Variants in TBCD observed in about 807,000 individuals in gnomAD.
The protein encoded by TBCD is tubulin folding cofactor D.
TBCD carries 105 observed loss-of-function variants against 169.3 expected under a neutral mutation model. The ratio of observed to expected loss-of-function variants is 0.62; its 90% CI spans 0.53 to 0.73. TBCD has a LOEUF of 0.73. TBCD is among the 30% of genes least tolerant of loss of function. TBCD has a pLI of 0.00. For synonymous variants in TBCD, 700 were observed against 643.9 expected, an observed-to-expected ratio of 1.09 and a Z score of -1.32; for missense variants, 1,444 against 1,600.1, an observed-to-expected ratio of 0.90 and a Z score of 1.66.
chr17:82,821,818 C>A (rs770838705), intron 13 of TBCD, among the ~76,000 whole-genome samples: 9 of 151,974 alleles, frequency 5.9e-5, no homozygotes, highest in Admixed American at 3.9e-4. Flanking sequence ...CCCTGCATGT[C>A]GGAAATACAG....
chr17:82,763,097 T>C (rs2047849668), intron 2 of TBCD, among the ~76,000 whole-genome samples: 1 of 152,156 alleles, frequency 6.6e-6, no homozygotes, highest in African/African-American at 2.4e-5. Context: ...GCTGTTTAGG[T>C]TTCAGCGATT....
chr17:82,830,573 C>T, intron 13 of TBCD: 2 of 1,613,952 alleles, frequency 1.2e-6, no homozygotes, highest in Non-Finnish European at 1.7e-6. Context: ...TTCTGTGGAA[C>T]AGCAGCAGCA....
At chr17:82,907,873 C>G (rs2060358340) in intron 21 of TBCD, 52 bp downstream of exon 21, 1 of 1,577,878 alleles carries the variant, frequency 6.3e-7, no homozygotes, top group Non-Finnish European at 8.6e-7. Context: ...AGGACCTGCC[C>G]CCTTAGGGCC....
chr17:82,893,988 A>G (rs1017095249), intron 17 of TBCD, among the ~76,000 whole-genome samples: 1 of 112,738 alleles, frequency 8.9e-6, no homozygotes, highest in African/African-American at 3.9e-5. Flanking sequence ...TTTGAGAGGA[A>G]GCAGCTGCAA....
rs565743076 is a variant in TBCD, at chr17:82,781,615, A to G, written c.665A>G (p.Gln222Arg). 6.2e-7 allele frequency: 1 copy of G among 1,613,830 alleles called. No individual in the cohort carries two copies. Among genetic ancestry groups the G allele is most frequent in the African/African-American group, 1.3e-5 (1 of 74,980 alleles). The change falls in exon 7 of 39, where the codon CAA (glutamine) becomes CGA (arginine). Residue 222 changes from glutamine to arginine, a missense_variant. Transcript: ENST00000355528. ...TTTATCACACGTCCTGATGTCAAGC[A>G]AAGCAAGATGGCTGAGTTCCTGGAC... ...SRFITRPDVKQSKMAEFLDWS... is the reference protein window; with the variant it reads ...SRFITRPDVKRSKMAEFLDWS...
intron 6 of TBCD, among the ~76,000 whole-genome samples, chr17:82,780,624 CA>C (rs1310065194): frequency 8.1e-6 from 1 of 123,860 alleles, no homozygotes. Context: ...GACTCCATCT[CA>C]AAAAAAAGGA....
intron 4 of TBCD, among the ~76,000 whole-genome samples, chr17:82,767,896 A>G (rs1395420150): frequency 6.6e-6 from 1 of 151,294 alleles, no homozygotes; most frequent in East Asian, 2.0e-4. Flanking sequence ...TGGAGCTTGC[A>G]GTGAGCGAGG....
In TBCD at chr17:82,898,154, C is replaced by T. The variant is rs76877120; in HGVS notation, c.1650-2497C>T. Among the ~76,000 whole-genome samples, 896 of 128,362 alleles carry T rather than the reference C, an allele frequency of 7.0e-3. 49 individuals are homozygous for T. In the East Asian group the frequency reaches 0.11, roughly 15 times the overall value. The allele number at this position is 128,362 out of a possible 152,430, so 84.2% of individuals were successfully genotyped here. A position where few individuals can be genotyped will look rare whatever the true frequency, so the allele number is the denominator to read the frequency against. On this transcript the variant is annotated intron_variant, in intron 17 of 38. Transcript: ENST00000355528. ...CTGGTTTTCGTGAGCATTGAGCCCC[C>T]GTGGGTTTTGGTGGGAGCACACGGC...
Position 82,925,010 on chromosome 17 carries a change from G to A in TBCD, c.2332G>A (p.Ala778Thr). ...EEMTRCGFSLALGALPGFLLK... is the reference protein window; with the variant it reads ...EEMTRCGFSLTLGALPGFLLK... ...GATGACTCGCTGTGGCTTCTCGTTG[G>A]CCTTGGGCGCCCTTCCAGGCTTCCT... Residue 778 changes from alanine (A) to threonine (T), a missense_variant, in exon 27 of 39, where the codon GCC becomes ACC. Ala to Thr is a moderately conservative substitution (Grantham distance 58). Coordinates refer to ENST00000355528, the MANE Select transcript of TBCD (RefSeq NM_005993.5). 6.4e-7 allele frequency: 1 copy of A among 1,571,616 alleles called. No homozygotes were observed. The highest frequency in any genetic ancestry group is 8.6e-7 in the Non-Finnish European group (1 of 1,157,408).
chr17:82,830,371 T>C, intron 13 of TBCD: 1 of 1,613,046 alleles, frequency 6.2e-7, no homozygotes. Flanking sequence ...CACCCGGATG[T>C]TCCTGGGGCT....
At chr17:82,776,642 C>G (rs1598437980) in intron 6 of TBCD, among the ~76,000 whole-genome samples, 2 of 152,176 alleles carry the variant, frequency 1.3e-5, no homozygotes, top group East Asian at 3.8e-4. Flanking sequence ...TCAGCTCTGT[C>G]ACTTCCTGCC....
chr17:82,825,476 G>A (rs60820866), intron 13 of TBCD, among the ~76,000 whole-genome samples: 1 of 152,296 alleles, frequency 6.6e-6, no homozygotes, highest in African/African-American at 2.4e-5. Flanking sequence ...CCAGGTGAGC[G>A]ACTCAGCACT....
rs539199997 is a variant in TBCD, at chr17:82,945,568, A to T, written c.*3105A>T. The T allele has an allele frequency of 6.6e-6, 1 of 152,252 alleles. No individual in the cohort carries two copies. Among genetic ancestry groups the T allele is most frequent in the African/African-American group, 2.4e-5 (1 of 41,466 alleles). The allele number at this position is 152,252 out of a possible 1,614,324, so 9.4% of individuals were successfully genotyped here. A position where few individuals can be genotyped will look rare whatever the true frequency, so the allele number is the denominator to read the frequency against. ...TGAATTGTGCCCACAGCATAACATTAAAGAAGAGAACAAAATTAAGTCATT... is the reference window on the plus strand; with the variant it reads ...TGAATTGTGCCCACAGCATAACATTTAAGAAGAGAACAAAATTAAGTCATT... On this transcript the variant is annotated 3_prime_UTR_variant, in exon 39 of 39. Coordinates refer to ENST00000355528, the MANE Select transcript of TBCD (RefSeq NM_005993.5).
Position 82,941,396 on chromosome 17 carries a change from C to A in TBCD, c.3480-3C>A. On this transcript the variant is annotated splice_region_variant and splice_polypyrimidine_tract_variant and intron_variant, in intron 37 of 38. Transcript: ENST00000355528. ...AGACTCACGGCTCTCCCTCTCCTCACAGGGACGCGGAGCTTGCAGTGGTGA... is the reference window on the plus strand; with the variant it reads ...AGACTCACGGCTCTCCCTCTCCTCAAAGGGACGCGGAGCTTGCAGTGGTGA... The A allele has an allele frequency of 1.3e-6, 2 of 1,587,282 alleles. No individual in the cohort carries two copies. The highest frequency in any genetic ancestry group is 8.5e-7 in the Non-Finnish European group (1 of 1,171,722).
rs777746623 is a variant in TBCD at position 82,806,234 on chromosome 17, C to T, written c.1087+223C>T. ...TGTGTGCCGTAGAAGCCCTTTTTCC[C>T]ACCGCCTCGCCTCCTTCCTGACCTG... On this transcript the variant is annotated intron_variant, in intron 10 of 38. Coordinates refer to ENST00000355528, the MANE Select transcript of TBCD (RefSeq NM_005993.5). The surrounding 1 kb of genome is among the most constrained non-coding windows in gnomAD (Gnocchi z 5.1). 1.2e-4 allele frequency among the ~76,000 whole-genome samples: 19 copies of T among 152,072 alleles called. No homozygotes were observed. The highest frequency in any genetic ancestry group is 9.2e-4 in the Admixed American group (14 of 15,278).
At chr17:82,795,677 C>T (rs1598540443) in intron 7 of TBCD, 1 of 889,920 alleles carries the variant, frequency 1.1e-6, no homozygotes, top group South Asian at 5.2e-5. Flanking sequence ...TCAGTGACAG[C>T]CGCACTCTTG....
At chr17:82,878,627 A>G (rs1326175473) in intron 14 of TBCD, among the ~76,000 whole-genome samples, 5 of 152,240 alleles carry the variant, frequency 3.3e-5, no homozygotes, top group Admixed American at 6.5e-5. Context: ...TCCCTGGTCA[A>G]GATGGGGCCT....
chr17:82,907,095 A>C (rs535211794), intron 20 of TBCD, among the ~76,000 whole-genome samples: 2 of 152,362 alleles, frequency 1.3e-5, no homozygotes, highest in Admixed American at 1.3e-4. Context: ...TCCGCCTGGC[A>C]CGAAACAAAA....
rs1346415438 is a variant in TBCD at position 82,874,737 on chromosome 17, A to C, written c.1475+4357A>C. ...GAGCGTGTGGGATGCTGCTGGTGCG[A>C]GCCTCCCTGCCCAGGAGCCCTGCGC... On this transcript the variant is annotated intron_variant, in intron 14 of 38. Transcript: ENST00000355528. This position sits in a 1 kb window ranked among gnomAD's most constrained non-coding sequence, Gnocchi z 5.0. 1.3e-5 allele frequency among the ~76,000 whole-genome samples: 2 copies of C among 152,122 alleles called. No individual in the cohort carries two copies. The highest frequency in any genetic ancestry group is 4.8e-5 in the African/African-American group (2 of 41,420).
Sources: allele counts gnomAD v4.1 joint callset (sites outside exome capture counted in the v4.1 genomes callset), GRCh38; gene constraint gnomAD v4.1.1; non-coding constraint Gnocchi (gnomAD v3.1); transcripts MANE v1.5; gene names NCBI Gene and HGNC (gene_info 2026-07-23, HGNC 2026-07-21).